HARBI1: variants seen among roughly 807,000 people sequenced by gnomAD.
HARBI1 encodes the protein harbinger transposase derived 1.
In HARBI1, 15 loss-of-function variants were observed where a neutral mutation model predicts 25.3. The observed-to-expected ratio is 0.59, with a 90% CI of 0.40 to 0.91. The LOEUF is 0.91. Ranked by LOEUF, HARBI1 falls within the 40% of genes least tolerant of loss-of-function variation. The pLI is 0.00. For synonymous variants in HARBI1, 168 were observed against 160.5 expected, an observed-to-expected ratio of 1.05 and a Z score of -0.35; for missense variants, 396 against 445.8, an observed-to-expected ratio of 0.89 and a Z score of 1.01.
chr11:46,615,903 A>G lies in HARBI1; in HGVS notation c.335T>C (p.Val112Ala), dbSNP rs776508559. The G allele has an allele frequency of 1.9e-6, 3 of 1,614,194 alleles. No individual in the cohort carries two copies. The highest frequency in any genetic ancestry group is 2.5e-6 in the Non-Finnish European group (3 of 1,180,040). ...GCGAATGAACTGTGAGGCCCTTTCC[A>G]CAAGTGCTTCAGTGACATTGGCAAC... is the stretch of plus-strand genomic sequence containing the variant. ...RCVANVTEAL[V>A]ERASQFIRFP... Residue 112 changes from valine (V) to alanine (A), a missense_variant, in exon 2 of 3, where the codon GTG (valine) becomes GCG (alanine). Coordinates refer to ENST00000326737, the MANE Select transcript of HARBI1 (RefSeq NM_173811.4).
intron 1 of HARBI1, 95 bp from the exon 2 acceptor site, chr11:46,616,476 T>C: frequency 7.4e-7 from 1 of 1,345,782 alleles, no homozygotes; most frequent in Non-Finnish European, 9.5e-7. Context: ...ATTTCCATTT[T>C]GTTGAGGCAA....
intron 2 of HARBI1, among the ~76,000 whole-genome samples, chr11:46,609,848 G>T (rs970308540): frequency 2.1e-5 from 3 of 139,674 alleles, no homozygotes; most frequent in Middle Eastern, 3.7e-3. Flanking sequence ...ATAAATAAAA[G>T]AATTTTTTTT....
intron 1 of HARBI1, chr11:46,616,913 A>G (rs967375163): frequency 3.1e-5 from 31 of 984,514 alleles, no homozygotes; most frequent in African/African-American, 1.8e-5. Flanking sequence ...GTGCTGTAAC[A>G]AAAGGCTTTT....
intron 2 of HARBI1, among the ~76,000 whole-genome samples, chr11:46,613,153 T>C (rs188119017): frequency 3.3e-5 from 5 of 151,848 alleles, no homozygotes; most frequent in Admixed American, 2.6e-4. Context: ...CTAAATTTTG[T>C]GTTTTTAGTA....
chr11:46,617,723 GCCTGCGAGCCAGGAC>G, upstream of HARBI1: 1 of 398,002 alleles, frequency 2.5e-6, no homozygotes, highest in Middle Eastern at 6.3e-4. Context: ...AACGTCTGGG[GCCTGCGAGCCAGGAC>G]CCTTCTGAAG....
intron 1 of HARBI1, chr11:46,616,851 A>C (rs943029042): frequency 2.2e-4 from 209 of 971,434 alleles, no homozygotes; most frequent in African/African-American, 1.4e-3. Flanking sequence ...AAAAAAAAAA[A>C]AAAAAAAAAA....
At chr11:46,610,027 A>AT (rs1237849713) in intron 2 of HARBI1, among the ~76,000 whole-genome samples, 2 of 150,918 alleles carry the variant, frequency 1.3e-5, no homozygotes, top group East Asian at 2.0e-4. Flanking sequence ...TAATTTTTGT[A>AT]TTTTTTGTAG....
In HARBI1 at chr11:46,603,529, A is replaced by G. The variant is rs776636016; in HGVS notation, c.*1T>C. 11 of 1,576,838 alleles carry G rather than the reference A, an allele frequency of 7.0e-6. No homozygotes were observed. Among genetic ancestry groups the G allele is most frequent in the African/African-American group, 4.0e-5 (3 of 74,148 alleles). On this transcript the variant is annotated 3_prime_UTR_variant, in exon 3 of 3. Coordinates refer to ENST00000326737, the MANE Select transcript of HARBI1 (RefSeq NM_173811.4). ...AGTATCCCTCCTCTCCACCTTCTAC[A>G]TTAGCTAAAATGAGTGAGCATTAGC... is the stretch of plus-strand genomic sequence containing the variant.
chr11:46,616,901 G>C, intron 1 of HARBI1: 1 of 970,818 alleles, frequency 1.0e-6, no homozygotes, highest in Non-Finnish European at 1.2e-6. Context: ...GACGTACACT[G>C]TGTGCTGTAA....
intron 2 of HARBI1, among the ~76,000 whole-genome samples, chr11:46,614,296 G>T (rs1369656416): frequency 1.3e-5 from 2 of 151,898 alleles, no homozygotes; most frequent in Non-Finnish European, 2.9e-5. Flanking sequence ...GCATAGTGGC[G>T]CATGCCTATA....
At chr11:46,617,540 A>AACCCCCC (rs2045669960), upstream of HARBI1, 1 of 80,262 alleles carries the variant, frequency 1.2e-5, no homozygotes, top group Non-Finnish European at 2.2e-5. Flanking sequence ...GCCCTCTTTC[A>AACCCCCC]CCCCCCCCCC....
chr11:46,616,202 G>C lies in HARBI1; in HGVS notation c.36C>G (p.Leu12=), dbSNP rs752259058. ...TCCGGTGACCACGGCCATATAGCAA[G>C]AGGTCACAGTCAAGCACTGTTATTG... ...AIPITVLDCD[L]LLYGRGHRTL... is the part of the protein sequence containing the mutation. The change falls in exon 2 of 3, where the codon CTC becomes CTG. Residue 12 remains leucine, a synonymous_variant. Transcript: ENST00000326737. 5.7e-5 allele frequency: 92 copies of C among 1,612,072 alleles called. No homozygotes were observed. The highest frequency in any genetic ancestry group is 7.7e-5 in the Non-Finnish European group (91 of 1,180,032).
At chr11:46,617,676 G>C (rs1192220154), upstream of HARBI1, 1 of 393,960 alleles carries the variant, frequency 2.5e-6, no homozygotes, top group Non-Finnish European at 4.5e-6. Context: ...AGCGCCAGTC[G>C]ACGTGGGTGC....
At chr11:46,611,249 C>T (rs1267798508) in intron 2 of HARBI1, among the ~76,000 whole-genome samples, 4 of 152,036 alleles carry the variant, frequency 2.6e-5, no homozygotes, top group Admixed American at 6.6e-5. Flanking sequence ...CCTCGTGATC[C>T]GCCCACCTCG....
chr11:46,606,831 C>CAG (rs1328851275), intron 2 of HARBI1, among the ~76,000 whole-genome samples: 2 of 152,142 alleles, frequency 1.3e-5, no homozygotes, highest in Non-Finnish European at 2.9e-5. Flanking sequence ...TTTGTAGAGA[C>CAG]AGGGTCTTGT....
chr11:46,617,076 A>C, intron 1 of HARBI1, 48 bp downstream of exon 1: 4 of 886,066 alleles, frequency 4.5e-6, no homozygotes, highest in Non-Finnish European at 5.4e-6. Context: ...AACGGATGTC[A>C]AAGTCTGATT....
At chr11:46,615,430 C>T (rs2045341590) in intron 2 of HARBI1, 138 bp downstream of exon 2, 1 of 694,738 alleles carries the variant, frequency 1.4e-6, no homozygotes, top group African/African-American at 1.8e-5. Flanking sequence ...GTTGGCCAGG[C>T]TGGTCTCCAG....
intron 2 of HARBI1, among the ~76,000 whole-genome samples, chr11:46,614,313 G>C (rs548642521): frequency 6.6e-6 from 1 of 152,154 alleles, no homozygotes; most frequent in Non-Finnish European, 1.5e-5. Flanking sequence ...TATAATCCCA[G>C]CTACTCAGGA....
chr11:46,604,108 G>T lies in HARBI1; in HGVS notation c.671-199C>A, dbSNP rs138696442. On this transcript the variant is annotated intron_variant, in intron 2 of 2. Coordinates refer to ENST00000326737, the MANE Select transcript of HARBI1 (RefSeq NM_173811.4). ...CCAGGAGCAGAAAGACACGAGTTCT[G>T]GCTGAGAATGTCGTTGGTAAAAATC... is the stretch of plus-strand genomic sequence containing the variant. 4.1e-4 allele frequency: 400 copies of T among 985,346 alleles called. 2 individuals carry two copies. In the African/African-American group the frequency reaches 6.7e-3, roughly 17 times the overall value. The allele number at this position is 985,346 out of a possible 1,614,324, so 61.0% of individuals were successfully genotyped here. A position where few individuals can be genotyped will look rare whatever the true frequency, so the allele number is the denominator to read the frequency against.
Sources: allele counts gnomAD v4.1 joint callset (sites outside exome capture counted in the v4.1 genomes callset), GRCh38; gene constraint gnomAD v4.1.1; transcripts MANE v1.5; gene names NCBI Gene and HGNC (gene_info 2026-07-23, HGNC 2026-07-21).